The following AOPEP variants were observed in gnomAD, a reference collection of about 807,000 sequenced individuals.
AOPEP encodes aminopeptidase O.
In AOPEP, 77 loss-of-function variants were observed where a neutral mutation model predicts 98.1. That is an observed-to-expected ratio of 0.78 (90% CI 0.65 to 0.95). The LOEUF (loss-of-function observed/expected upper bound fraction) is 0.95. Among genes scored for constraint, AOPEP ranks in the 40% least tolerant of loss-of-function variants. The probability of loss-of-function intolerance (pLI) is 0.00; values close to 1 mark genes in which losing one functional copy is unlikely to be tolerated. For synonymous variants in AOPEP, 346 were observed against 365.3 expected (o/e 0.95, Z 0.60); for missense variants, 1,024 against 1,024.7 (o/e 1.00, Z 0.01).
At chr9:94,872,764 C>T (rs1360089951) in intron 5 of AOPEP, among the ~76,000 whole-genome samples, 1 of 152,148 alleles carries the variant, frequency 6.6e-6, no homozygotes, top group Non-Finnish European at 1.5e-5. Flanking sequence ...AAGTAGCTGC[C>T]TACTCATTTG....
chr9:95,094,626 C>T, the AOPEP span, among the ~76,000 whole-genome samples: 2 of 152,184 alleles, frequency 1.3e-5, no homozygotes, highest in Admixed American at 6.5e-5. Context: ...ATAAAGTCTT[C>T]CAGGTTCCTC....
chr9:94,916,704 A>T (rs1003246136), intron 5 of AOPEP, among the ~76,000 whole-genome samples: 37 of 145,288 alleles, frequency 2.5e-4, no homozygotes, highest in Non-Finnish European at 3.8e-4. Flanking sequence ...CAAAAAAAAA[A>T]AAAAATTAAA....
intron 9 of AOPEP, among the ~76,000 whole-genome samples, chr9:94,961,947 A>G (rs2058870717): frequency 2.0e-5 from 3 of 152,142 alleles, no homozygotes; most frequent in Admixed American, 2.0e-4. Context: ...ATTATCTTTG[A>G]TTCCTTTTCC....
intron 3 of AOPEP, among the ~76,000 whole-genome samples, chr9:94,774,139 C>T (rs7044544): frequency 0.015 from 2,260 of 151,624 alleles, 55 homozygotes; most frequent in African/African-American, 0.052. Flanking sequence ...GGTGAAATCT[C>T]GTCTCTACTA....
intron 1 of AOPEP, among the ~76,000 whole-genome samples, chr9:94,747,321 G>A (rs925246807): frequency 2.6e-5 from 4 of 152,044 alleles, no homozygotes; most frequent in Admixed American, 6.6e-5. Flanking sequence ...TTTTCATTAT[G>A]TTATCTTGCA....
At chr9:95,031,226 C>T (rs1222419260) in intron 13 of AOPEP, among the ~76,000 whole-genome samples, 1 of 152,144 alleles carries the variant, frequency 6.6e-6, no homozygotes. Context: ...ATTATTTTGG[C>T]AGTTAATAGA....
At chr9:95,051,089 CTTTTTTTT>C (rs34143867) in intron 13 of AOPEP, among the ~76,000 whole-genome samples, 1 of 129,922 alleles carries the variant, frequency 7.7e-6, no homozygotes, top group East Asian at 2.2e-4. Flanking sequence ...TTGTGGCTTA[CTTTTTTTT>C]TTTTTTTTTT....
rs1004069150 is a variant in AOPEP at position 94,942,530 on chromosome 9, CAG to C, written c.1662-12646_1662-12645del. Reference sequence around the variant, plus strand: ...GGTTGAGGACAGAAGGAATAAGAAACAGGGACTGTACTATTCAACATTGTACT... The same window carrying C: ...GGTTGAGGACAGAAGGAATAAGAAACGGACTGTACTATTCAACATTGTACT... On this transcript the variant is annotated intron_variant, in intron 7 of 16. Transcript: ENST00000375315. Among the ~76,000 whole-genome samples, 118 of 152,234 alleles carry C rather than the reference CAG, an allele frequency of 7.8e-4. 1 individual carries two copies. The highest frequency in any genetic ancestry group is 2.8e-3 in the African/African-American group (117 of 41,530).
intron 13 of AOPEP, chr9:95,006,287 C>T (rs1002955180): frequency 1.8e-5 from 6 of 332,386 alleles, no homozygotes; most frequent in Non-Finnish European, 3.6e-5. Flanking sequence ...ACAAATATTA[C>T]AGCAGATAGG....
intron 7 of AOPEP, 136 bp downstream of exon 7, chr9:94,928,667 G>T: frequency 1.6e-6 from 1 of 624,442 alleles, no homozygotes; most frequent in Non-Finnish European, 2.8e-6. Flanking sequence ...CCCCAGATGT[G>T]ATGGTTATGT....
chr9:94,959,913 T>C (rs1018985771), intron 9 of AOPEP, among the ~76,000 whole-genome samples: 8 of 152,204 alleles, frequency 5.3e-5, no homozygotes, highest in African/African-American at 1.9e-4. Context: ...TTAAATTTTC[T>C]TTTACTTGAA....
chr9:95,128,662 C>T, the AOPEP span, among the ~76,000 whole-genome samples: 3 of 152,232 alleles, frequency 2.0e-5, no homozygotes, highest in African/African-American at 7.2e-5. Context: ...CTTCTGTGCG[C>T]TGTTTTCTAG....
At chr9:95,005,693 A>G in intron 13 of AOPEP, 77 bp downstream of exon 13, 1 of 1,124,604 alleles carries the variant, frequency 8.9e-7, no homozygotes, top group Non-Finnish European at 1.4e-6. Flanking sequence ...GGTCATGACA[A>G]TAGAGTAGTG....
At chr9:95,003,952 A>G (rs2132649585) in intron 11 of AOPEP, 1 of 206,452 alleles carries the variant, frequency 4.8e-6, no homozygotes, top group South Asian at 6.8e-5. Flanking sequence ...GAATGAAGGG[A>G]TAAATTCCTG....
chr9:94,974,073 T>G (rs1172361013), intron 10 of AOPEP, among the ~76,000 whole-genome samples: 1 of 152,214 alleles, frequency 6.6e-6, no homozygotes, highest in Non-Finnish European at 1.5e-5. Context: ...CTACATCCTG[T>G]TTCTTCCCTG....
At chr9:94,738,351 G>A (rs1187984833) in intron 1 of AOPEP, among the ~76,000 whole-genome samples, 1 of 152,180 alleles carries the variant, frequency 6.6e-6, no homozygotes, top group Admixed American at 6.5e-5. Context: ...AGTTTTGGGT[G>A]AATGGGATTC....
intron 13 of AOPEP, among the ~76,000 whole-genome samples, chr9:95,035,859 C>G (rs2064771982): frequency 6.6e-6 from 1 of 151,856 alleles, no homozygotes; most frequent in Admixed American, 6.6e-5. Context: ...GCTGTGTGGC[C>G]TTACTTGCTT....
intron 13 of AOPEP, among the ~76,000 whole-genome samples, chr9:95,059,361 C>A (rs2067116049): frequency 6.6e-6 from 1 of 152,174 alleles, no homozygotes; most frequent in Non-Finnish European, 1.5e-5. Context: ...TGTCTCCTTT[C>A]TTTCTGCCTC....
At chr9:94,798,796 C>T (rs1450376244) in intron 4 of AOPEP, among the ~76,000 whole-genome samples, 1 of 152,108 alleles carries the variant, frequency 6.6e-6, no homozygotes, top group Non-Finnish European at 1.5e-5. Context: ...AATCAGTGGC[C>T]TTTTTCACTT....
Sources: allele counts gnomAD v4.1 joint callset (sites outside exome capture counted in the v4.1 genomes callset), GRCh38; gene constraint gnomAD v4.1.1; transcripts MANE v1.5; gene names NCBI Gene and HGNC (gene_info 2026-07-23, HGNC 2026-07-21).